The following GABBR2 variants were observed in gnomAD, a reference collection of about 807,000 sequenced individuals.
GABBR2 encodes the protein G-protein coupled receptor 51.
Under a neutral mutation model 105.6 loss-of-function variants are expected in GABBR2, and 23 were observed. The observed-to-expected ratio is 0.22, with a 90% confidence interval of 0.16 to 0.31. The LOEUF is 0.31. Ranked by LOEUF, GABBR2 falls within the 10% of genes least tolerant of loss-of-function variation. GABBR2 has a pLI of 1.00. For missense variants in GABBR2, 734 were observed against 1,245.5 expected, an observed-to-expected ratio of 0.59 and a Z score of 6.18; for synonymous variants, 478 against 499.7, an observed-to-expected ratio of 0.96 and a Z score of 0.58.
rs1395026966 is a variant in GABBR2 at position 98,386,212 on chromosome 9, G to GCT, written c.1530-441_1530-440insAG. ...TTAAACAAAAGCATTAAGTCAACAGGTTTTTTTTTTTTTTTTTGGCTGGAA... is the reference window on the plus strand; with the variant it reads ...TTAAACAAAAGCATTAAGTCAACAGGCTTTTTTTTTTTTTTTTTTGGCTGGAA... On this transcript the variant is annotated intron_variant, in intron 10 of 18. Coordinates refer to ENST00000259455, the MANE Select transcript of GABBR2 (RefSeq NM_005458.8). Among the ~76,000 whole-genome samples, 4 of 136,476 alleles carry GCT rather than the reference G, an allele frequency of 2.9e-5. No homozygotes were observed. In the East Asian group the frequency reaches 8.3e-4, roughly 28 times the overall value. 89.5% of individuals were successfully genotyped at this position (136,476 alleles called of 152,430 possible).
intron 13 of GABBR2, among the ~76,000 whole-genome samples, chr9:98,325,485 T>C (rs916828758): frequency 6.6e-6 from 1 of 152,028 alleles, no homozygotes; most frequent in Non-Finnish European, 1.5e-5. Flanking sequence ...AGAGATGGGG[T>C]TTCCCCATGT....
At chr9:98,548,368 C>CT (rs1828430628) in intron 2 of GABBR2, among the ~76,000 whole-genome samples, 1 of 119,804 alleles carries the variant, frequency 8.3e-6, no homozygotes, top group African/African-American at 2.7e-5. Flanking sequence ...GTGACATCAT[C>CT]TTTTACCCTC....
At chr9:98,346,036 G>A (rs1831298021) in intron 13 of GABBR2, among the ~76,000 whole-genome samples, 1 of 152,238 alleles carries the variant, frequency 6.6e-6, no homozygotes, top group African/African-American at 2.4e-5. Context: ...CCTTCAGTGA[G>A]TGGTAATCTT....
intron 5 of GABBR2, among the ~76,000 whole-genome samples, chr9:98,478,396 C>T (rs1347672176): frequency 6.6e-6 from 1 of 152,174 alleles, no homozygotes; most frequent in Non-Finnish European, 1.5e-5. Flanking sequence ...AGAACTCCTT[C>T]CCAACCAGAC....
At chr9:98,648,155 A>AGATAGATAGATAGATG (rs1342410321) in intron 1 of GABBR2, among the ~76,000 whole-genome samples, 18 of 151,202 alleles carry the variant, frequency 1.2e-4, no homozygotes, top group African/African-American at 4.4e-4. Flanking sequence ...ATAGATAGAT[A>AGATAGATAGATAGATG]GAGTCTTACT....
intron 2 of GABBR2, 93 bp downstream of exon 2, chr9:98,577,842 A>T: frequency 7.7e-7 from 1 of 1,306,782 alleles, no homozygotes; most frequent in Non-Finnish European, 1.1e-6. Context: ...CCCAGGCAAC[A>T]TAGAAACCAC....
At chr9:98,460,609 G>A (rs1826406819) in intron 6 of GABBR2, among the ~76,000 whole-genome samples, 2 of 151,816 alleles carry the variant, frequency 1.3e-5, no homozygotes, top group Admixed American at 1.3e-4. Flanking sequence ...TGAAACATAG[G>A]GAGAAAAAAA....
chr9:98,631,663 G>C (rs1401621473), intron 1 of GABBR2, among the ~76,000 whole-genome samples: 1 of 152,080 alleles, frequency 6.6e-6, no homozygotes, highest in Non-Finnish European at 1.5e-5. Flanking sequence ...TAAAGTAATC[G>C]AGTCCTCTAA....
intron 7 of GABBR2, among the ~76,000 whole-genome samples, chr9:98,453,132 T>TTCTCCTGCC (rs1272166006): frequency 6.6e-6 from 1 of 152,200 alleles, no homozygotes; most frequent in African/African-American, 2.4e-5. Flanking sequence ...GTTCAAGCGA[T>TTCTCCTGCC]TCTCCTGCCT....
chr9:98,534,934 G>C (rs998466154), intron 3 of GABBR2, among the ~76,000 whole-genome samples: 5 of 152,198 alleles, frequency 3.3e-5, no homozygotes, highest in East Asian at 1.9e-4. Context: ...TGGATGTTTA[G>C]AGCAGCTTTA....
intron 6 of GABBR2, among the ~76,000 whole-genome samples, chr9:98,460,805 G>A (rs1349471855): frequency 7.5e-6 from 1 of 133,030 alleles, no homozygotes; most frequent in Non-Finnish European, 1.7e-5. Context: ...GGAGCTCTAT[G>A]AACTCCAGGC....
intron 1 of GABBR2, among the ~76,000 whole-genome samples, chr9:98,687,266 C>A (rs1166833227): frequency 6.6e-6 from 1 of 151,720 alleles, no homozygotes; most frequent in African/African-American, 2.4e-5. Flanking sequence ...CGGAACATTA[C>A]TATGAGGAAA....
At chr9:98,318,917 G>GTT (rs376858208) in intron 13 of GABBR2, among the ~76,000 whole-genome samples, 41,824 of 142,378 alleles carry the variant, frequency 0.29, 6,148 homozygotes, top group South Asian at 0.42. Context: ...GTGTGTGTTG[G>GTT]GGGTGTGTGT....
chr9:98,488,719 G>T (rs1317030946), intron 4 of GABBR2, among the ~76,000 whole-genome samples: 1 of 152,080 alleles, frequency 6.6e-6, no homozygotes, highest in Non-Finnish European at 1.5e-5. Context: ...GAAATGGGGG[G>T]AGACAGGTCA....
chr9:98,368,282 GA>G lies in GABBR2; in HGVS notation c.1770+3181del, dbSNP rs1234649507. On this transcript the variant is annotated intron_variant, in intron 12 of 18. Coordinates refer to ENST00000259455, the MANE Select transcript of GABBR2 (RefSeq NM_005458.8). ...ATCATTACCCTTAAAAACAAAAGTA[GA>G]AAAAAAGTTTTAAAAAGTAAAAAAA... 3.1e-5 allele frequency among the ~76,000 whole-genome samples: 3 copies of G among 95,632 alleles called. No individual in the cohort carries two copies. The East Asian group carries it at 8.1e-4, about 26-fold the overall frequency. 62.7% of individuals were successfully genotyped at this position (95,632 alleles called of 152,430 possible).
At chr9:98,634,195 T>A (rs1456492806) in intron 1 of GABBR2, among the ~76,000 whole-genome samples, 1 of 152,116 alleles carries the variant, frequency 6.6e-6, no homozygotes, top group Admixed American at 6.5e-5. Flanking sequence ...CCACCCGACT[T>A]TGGGCCCTAC....
intron 1 of GABBR2, among the ~76,000 whole-genome samples, chr9:98,658,461 G>A (rs964937572): frequency 1.3e-5 from 2 of 152,090 alleles, no homozygotes; most frequent in South Asian, 2.1e-4. Flanking sequence ...TCAAGTAACC[G>A]ACTAGCTTTT....
chr9:98,602,963 T>C (rs137895615), intron 1 of GABBR2, among the ~76,000 whole-genome samples: 95 of 152,256 alleles, frequency 6.2e-4, no homozygotes, highest in African/African-American at 2.2e-3. Flanking sequence ...CAATCCTATC[T>C]ATAAAGTGTA....
At chr9:98,386,343 T>C (rs1415719661) in intron 10 of GABBR2, among the ~76,000 whole-genome samples, 2 of 151,544 alleles carry the variant, frequency 1.3e-5, no homozygotes, top group African/African-American at 2.4e-5. Flanking sequence ...GAGTAGACCA[T>C]GTCAAGGAGG....
Sources: gnomAD v4.1 joint callset for allele counts (sites outside exome capture counted in the v4.1 genomes callset) on GRCh38, gnomAD v4.1.1 for gene constraint, MANE v1.5 for transcripts, NCBI Gene and HGNC (gene_info 2026-07-23, HGNC 2026-07-21) for gene names.